GPHN: variants seen among roughly 807,000 people sequenced by gnomAD.
GPHN encodes the protein gephyrin.
A neutral mutation model predicts 95.5 loss-of-function variants in GPHN; 17 were observed. The ratio of observed to expected loss-of-function variants is 0.18; its 90% CI spans 0.12 to 0.27. GPHN has a LOEUF of 0.27. Ranked by LOEUF, GPHN falls within the 10% of genes least tolerant of loss-of-function variation. GPHN has a pLI of 1.00. For synonymous variants in GPHN, 320 were observed against 322.5 expected, an observed-to-expected ratio of 0.99 and a Z score of 0.08; for missense variants, 660 against 978.1, an observed-to-expected ratio of 0.67 and a Z score of 4.34.
chr14:67,572,260 G>A, the GPHN span: 66 of 1,602,876 alleles, frequency 4.1e-5, no homozygotes, highest in Non-Finnish European at 5.1e-5. Flanking sequence ...CTCCACCGAC[G>A]GGCTGGGCCT....
the GPHN span, among the ~76,000 whole-genome samples, chr14:67,543,735 C>T: frequency 6.6e-6 from 1 of 151,094 alleles, no homozygotes; most frequent in Non-Finnish European, 1.5e-5. Flanking sequence ...AGATATATCT[C>T]GGAGGGAAGA....
chr14:66,878,525 AAAC>A (rs1306323263), intron 4 of GPHN, among the ~76,000 whole-genome samples: 2 of 152,140 alleles, frequency 1.3e-5, no homozygotes, highest in African/African-American at 4.8e-5. Flanking sequence ...TACAAGAAAA[AAAC>A]AACGCCATCA....
At chr14:66,847,516 G>A (rs1036266054) in intron 4 of GPHN, among the ~76,000 whole-genome samples, 2 of 152,040 alleles carry the variant, frequency 1.3e-5, no homozygotes, top group Non-Finnish European at 2.9e-5. Context: ...TTGTGTGAAA[G>A]TTAATCTGAG....
intron 9 of GPHN, among the ~76,000 whole-genome samples, chr14:67,022,939 CATTTGAGTCAAAGCATAAGGGTTTCT>C (rs1173083369): frequency 1.6e-3 from 247 of 152,014 alleles, no homozygotes; most frequent in African/African-American, 5.5e-3. Context: ...TTGACTTAAA[CATTTGAGTCAAAGCATAAGGGTTTCT>C]GATTGATAAA....
chr14:66,665,941 GTCC>G (rs1014502968), intron 1 of GPHN, among the ~76,000 whole-genome samples: 6 of 152,124 alleles, frequency 3.9e-5, no homozygotes, highest in African/African-American at 1.2e-4. Context: ...ATGAGTTCAC[GTCC>G]TTTGTAGGGG....
chr14:67,340,567 T>G, the GPHN span: 1 of 1,488,202 alleles, frequency 6.7e-7, no homozygotes, highest in South Asian at 1.1e-5. Flanking sequence ...AACCCCTTTT[T>G]TCAAATTATC....
intron 1 of GPHN, among the ~76,000 whole-genome samples, chr14:66,519,088 A>G (rs189598425): frequency 4.6e-4 from 70 of 152,162 alleles, no homozygotes; most frequent in African/African-American, 1.4e-3. Context: ...TATGTATCTC[A>G]TAAGTATGTA....
At chr14:67,199,874 G>A in the GPHN span, 4 of 1,493,422 alleles carry the variant, frequency 2.7e-6, no homozygotes, top group East Asian at 6.8e-5. Flanking sequence ...GGGGCTGCAG[G>A]ACATGGCCCC....
intron 4 of GPHN, among the ~76,000 whole-genome samples, chr14:66,876,827 C>T (rs2063686947): frequency 6.6e-6 from 1 of 152,098 alleles, no homozygotes; most frequent in Non-Finnish European, 1.5e-5. Flanking sequence ...CAAACAGGAG[C>T]TGGTACCATT....
chr14:66,975,730 AT>A (rs2070168077), intron 9 of GPHN, among the ~76,000 whole-genome samples: 1 of 151,868 alleles, frequency 6.6e-6, no homozygotes, highest in African/African-American at 2.4e-5. Context: ...AAAAAAAAAA[AT>A]TTAATTAGCT....
chr14:66,548,719 C>T (rs1302221563), intron 1 of GPHN, among the ~76,000 whole-genome samples: 1 of 152,152 alleles, frequency 6.6e-6, no homozygotes, highest in Non-Finnish European at 1.5e-5. Flanking sequence ...ATGTGAGACA[C>T]ATCCCTCAGA....
chr14:67,641,173 G>C, the GPHN span, among the ~76,000 whole-genome samples: 1 of 152,144 alleles, frequency 6.6e-6, no homozygotes, highest in Admixed American at 6.6e-5. Context: ...TTTGTTTCAT[G>C]CACAAGATGA....
chr14:66,997,233 G>C (rs977032697), intron 9 of GPHN, among the ~76,000 whole-genome samples: 28 of 152,146 alleles, frequency 1.8e-4, no homozygotes, highest in Admixed American at 1.3e-3. Flanking sequence ...CAGACGTGGT[G>C]GCGCACACCT....
chr14:67,471,556 G>A, the GPHN span: 3 of 152,298 alleles, frequency 2.0e-5, no homozygotes, highest in Admixed American at 6.5e-5. Flanking sequence ...TGGAATTGGG[G>A]CCACAATAAA....
At chr14:67,717,313 T>C in the GPHN span, among the ~76,000 whole-genome samples, 1 of 152,204 alleles carries the variant, frequency 6.6e-6, no homozygotes, top group East Asian at 1.9e-4. Context: ...AGTATATGTG[T>C]ACACAGATCC....
At chr14:67,686,808 T>G in the GPHN span, among the ~76,000 whole-genome samples, 1 of 152,188 alleles carries the variant, frequency 6.6e-6, no homozygotes, top group Non-Finnish European at 1.5e-5. Context: ...ATACACTGCC[T>G]ATTAATCTAA....
chr14:67,382,897 G>A, the GPHN span, among the ~76,000 whole-genome samples: 3 of 141,636 alleles, frequency 2.1e-5, no homozygotes, highest in East Asian at 2.5e-4. Flanking sequence ...GTGTGTGTAC[G>A]TGCGTGCGTG....
the GPHN span, among the ~76,000 whole-genome samples, chr14:67,340,809 G>A: frequency 0.15 from 23,311 of 151,760 alleles, 3,390 homozygotes; most frequent in East Asian, 0.42. Flanking sequence ...GAGTGCCTGC[G>A]ATTGCAGGCG....
chr14:66,554,757 A>C (rs1047258145), intron 1 of GPHN, among the ~76,000 whole-genome samples: 1 of 152,204 alleles, frequency 6.6e-6, no homozygotes, highest in African/African-American at 2.4e-5. Context: ...TACTTGTACA[A>C]ACTTTAGAAA....
Sources: gnomAD v4.1 joint callset for allele counts (sites outside exome capture counted in the v4.1 genomes callset) on GRCh38, gnomAD v4.1.1 for gene constraint, MANE v1.5 for transcripts, NCBI Gene and HGNC (gene_info 2026-07-23, HGNC 2026-07-21) for gene names.